The following CDH4 variants were observed in gnomAD, a reference collection of about 807,000 sequenced individuals.
The protein encoded by CDH4 is cadherin 4.
CDH4 carries 33 observed loss-of-function variants against 86.0 expected under a neutral mutation model. The ratio of observed to expected loss-of-function variants is 0.38; its 90% CI spans 0.29 to 0.51. CDH4 has a LOEUF of 0.51. CDH4 is among the 20% of genes least tolerant of loss of function. The probability of loss-of-function intolerance (pLI) is 0.86; values close to 1 mark genes in which losing one functional copy is unlikely to be tolerated. For synonymous variants in CDH4, 555 were observed against 549.4 expected (o/e 1.01, Z -0.14); for missense variants, 1,114 against 1,307.4 (o/e 0.85, Z 2.28).
At position 61,928,224 on chromosome 20, in the gene CDH4, G is replaced by GATCT; in HGVS notation, c.1811_1814dup (p.Ile606SerfsTer3). On this transcript the variant is annotated frameshift_variant, in exon 12 of 16. Transcript: ENST00000614565. LOFTEE classifies it high-confidence loss of function. ...CGGCCAGCGGCACCGGGACCCTCCA[G>GATCT]ATCTATCTCATTGACATCAACGACA... 6.2e-7 allele frequency: 1 copy of GATCT among 1,604,058 alleles called. No individual in the cohort carries two copies. Among genetic ancestry groups the GATCT allele is most frequent in the Non-Finnish European group, 8.5e-7 (1 of 1,179,908 alleles).
intron 2 of CDH4, among the ~76,000 whole-genome samples, chr20:61,542,435 T>G (rs1392137729): frequency 6.6e-6 from 1 of 152,212 alleles, no homozygotes; most frequent in African/African-American, 2.4e-5. Flanking sequence ...TCCTGCACAC[T>G]TTCTGATCTG....
chr20:61,321,737 G>T (rs572591492), intron 2 of CDH4, among the ~76,000 whole-genome samples: 1 of 152,100 alleles, frequency 6.6e-6, no homozygotes, highest in African/African-American at 2.4e-5. Flanking sequence ...GAGATGCTGC[G>T]TGCCACGCAT....
chr20:61,487,613 G>C (rs1358092430), intron 2 of CDH4, among the ~76,000 whole-genome samples: 2 of 152,134 alleles, frequency 1.3e-5, no homozygotes, highest in Non-Finnish European at 2.9e-5. Flanking sequence ...ATTCCTCCCT[G>C]AACAAGCATC....
intron 2 of CDH4, among the ~76,000 whole-genome samples, chr20:61,639,775 G>C (rs62197760): frequency 1.3e-5 from 2 of 151,856 alleles, no homozygotes; most frequent in East Asian, 3.9e-4. Context: ...TGTGAACAGC[G>C]TCTTTATTTC....
At chr20:61,404,557 C>T (rs373516046) in intron 2 of CDH4, among the ~76,000 whole-genome samples, 129 of 152,166 alleles carry the variant, frequency 8.5e-4, no homozygotes, top group African/African-American at 2.9e-3. Flanking sequence ...TTATTCCCGA[C>T]GCCACTTGCA....
At chr20:61,747,959 C>T (rs1858730300) in intron 3 of CDH4, among the ~76,000 whole-genome samples, 1 of 151,952 alleles carries the variant, frequency 6.6e-6, no homozygotes, top group Admixed American at 6.6e-5. Flanking sequence ...AAAAACAGCA[C>T]CTGGATGCTT....
At chr20:61,514,067 A>G (rs2085799550) in intron 2 of CDH4, among the ~76,000 whole-genome samples, 1 of 152,268 alleles carries the variant, frequency 6.6e-6, no homozygotes, top group African/African-American at 2.4e-5. Flanking sequence ...AGGAAGGCAG[A>G]AGCTACAGGC....
chr20:61,687,217 G>A (rs2087593368), intron 2 of CDH4, among the ~76,000 whole-genome samples: 1 of 152,190 alleles, frequency 6.6e-6, no homozygotes, highest in Admixed American at 6.5e-5. Context: ...CCGCTCCACA[G>A]CCTATTGTCC....
In CDH4 at chr20:61,546,919, C is replaced by T. The variant is rs576079028; in HGVS notation, c.170-196644C>T. 1.3e-3 allele frequency among the ~76,000 whole-genome samples: 199 copies of T among 152,254 alleles called. 2 individuals carry two copies. The highest frequency in any genetic ancestry group is 4.6e-3 in the African/African-American group (193 of 41,558). ...CAGGTAGTTTTGGAGGCAGGCATCT[C>T]TTCTTCCGTCTCCGTGCCCACGCTC... On this transcript the variant is annotated intron_variant, in intron 2 of 15. Coordinates refer to ENST00000614565, the MANE Select transcript of CDH4 (RefSeq NM_001794.5).
chr20:61,594,869 T>C (rs1699076192), intron 2 of CDH4, among the ~76,000 whole-genome samples: 2 of 152,270 alleles, frequency 1.3e-5, no homozygotes, highest in Non-Finnish European at 2.9e-5. Flanking sequence ...ATAGCTGATA[T>C]TCAGGGCTTT....
chr20:61,557,796 G>C (rs1046021198), intron 2 of CDH4, among the ~76,000 whole-genome samples: 1 of 140,202 alleles, frequency 7.1e-6, no homozygotes, highest in African/African-American at 2.5e-5. Flanking sequence ...AGACAAACTC[G>C]GGCCATTCTG....
chr20:61,448,134 T>C (rs1296208742), intron 2 of CDH4, among the ~76,000 whole-genome samples: 3 of 152,224 alleles, frequency 2.0e-5, no homozygotes, highest in Non-Finnish European at 4.4e-5. Context: ...CTGGTTTGTT[T>C]CAGCCCAGCA....
At chr20:61,280,252 G>C (rs894098438) in intron 2 of CDH4, among the ~76,000 whole-genome samples, 10 of 152,176 alleles carry the variant, frequency 6.6e-5, no homozygotes, top group African/African-American at 2.4e-4. Flanking sequence ...GGAGTTGCAT[G>C]GGAATGATGG....
At chr20:61,612,943 A>T (rs549102193) in intron 2 of CDH4, among the ~76,000 whole-genome samples, 1 of 152,080 alleles carries the variant, frequency 6.6e-6, no homozygotes, top group South Asian at 2.1e-4. Context: ...GCATTCTTCC[A>T]TCATCTCTGT....
chr20:61,525,925 G>A (rs2085906697), intron 2 of CDH4, among the ~76,000 whole-genome samples: 1 of 152,184 alleles, frequency 6.6e-6, no homozygotes, highest in Admixed American at 6.5e-5. Flanking sequence ...CACTGACCCT[G>A]TGGGGACAGC....
Position 61,657,397 on chromosome 20 carries a change from A to G in CDH4, c.170-86166A>G, listed in dbSNP as rs533175480. ...GCAGATGTATCTTTGAATAACTTCT[A>G]TAGTTTAGGGGTTATAAAGATACAA... On this transcript the variant is annotated intron_variant, in intron 2 of 15. Coordinates refer to ENST00000614565, the MANE Select transcript of CDH4 (RefSeq NM_001794.5). Among the ~76,000 whole-genome samples, 114 of 152,370 alleles carry G rather than the reference A, an allele frequency of 7.5e-4. 1 individual carries two copies. The highest frequency in any genetic ancestry group is 2.6e-3 in the African/African-American group (107 of 41,594).
At chr20:61,432,379 T>C (rs2085252303) in intron 2 of CDH4, among the ~76,000 whole-genome samples, 1 of 152,208 alleles carries the variant, frequency 6.6e-6, no homozygotes, top group Non-Finnish European at 1.5e-5. Context: ...TTCACTTCCC[T>C]GGATACTGAC....
intron 2 of CDH4, among the ~76,000 whole-genome samples, chr20:61,535,841 A>G (rs1037579299): frequency 1.3e-5 from 2 of 152,110 alleles, no homozygotes; most frequent in Non-Finnish European, 2.9e-5. Context: ...TGGGCATTCG[A>G]ACCCCCTGTT....
chr20:61,354,679 G>A (rs752999112), intron 2 of CDH4, among the ~76,000 whole-genome samples: 2 of 152,348 alleles, frequency 1.3e-5, no homozygotes, highest in Admixed American at 6.5e-5. Flanking sequence ...ATTGCTTGCC[G>A]TGGCTGACCG....
Sources: gnomAD v4.1 joint callset for allele counts (sites outside exome capture counted in the v4.1 genomes callset) on GRCh38, gnomAD v4.1.1 for gene constraint, MANE v1.5 for transcripts, NCBI Gene and HGNC (gene_info 2026-07-23, HGNC 2026-07-21) for gene names.